CRYL1: variants seen among roughly 807,000 people sequenced by gnomAD.
CRYL1 encodes lambda-crystallin homolog.
Under a neutral mutation model 36.6 loss-of-function variants are expected in CRYL1, and 29 were observed. That is an observed-to-expected ratio of 0.79 (90% CI 0.59 to 1.08). The LOEUF is 1.08. Ranked by LOEUF, CRYL1 falls within the 50% of genes least tolerant of loss-of-function variation. The probability of loss-of-function intolerance (pLI) is 0.00; values close to 1 mark genes in which losing one functional copy is unlikely to be tolerated. For synonymous variants in CRYL1, 152 were observed against 151.5 expected, an observed-to-expected ratio of 1.00 and a Z score of -0.02; for missense variants, 411 against 407.9, an observed-to-expected ratio of 1.01 and a Z score of -0.06.
In CRYL1 at chr13:20,471,791, T is replaced by C. The variant is rs79417222; in HGVS notation, c.276+17579A>G. ...TCGAGGATGCTCAGGTCCCTGATTT[T>C]TTTCTTTCTTTCTTTCTCTCTTTCT... On this transcript the variant is annotated intron_variant, in intron 3 of 7. Transcript: ENST00000298248. 1.9e-3 allele frequency among the ~76,000 whole-genome samples: 289 copies of C among 152,016 alleles called. 10 individuals are homozygous for C. In the East Asian group the frequency reaches 0.051, roughly 27 times the overall value.
chr13:20,435,779 A>G lies in CRYL1; in HGVS notation c.439-3483T>C, dbSNP rs1565963341. On this transcript the variant is annotated intron_variant, in intron 4 of 7. Coordinates refer to ENST00000298248, the MANE Select transcript of CRYL1 (RefSeq NM_015974.3). The surrounding 1 kb of genome is among the most constrained non-coding windows in gnomAD (Gnocchi z 4.0). ...CCGGGCCCCATGTGACCGCGCCGAC[A>G]GCGCGGCTGCCCACAGAGACTCCCT... 6.6e-6 allele frequency among the ~76,000 whole-genome samples: 1 copy of G among 152,158 alleles called. No homozygotes were observed. The highest frequency in any genetic ancestry group is 2.4e-5 in the African/African-American group (1 of 41,454).
intron 6 of CRYL1, among the ~76,000 whole-genome samples, chr13:20,410,639 CG>C (rs1388270394): frequency 6.6e-6 from 1 of 152,016 alleles, no homozygotes; most frequent in African/African-American, 2.4e-5. Context: ...AAAACAACAA[CG>C]AAAAAAACTA....
intron 3 of CRYL1, among the ~76,000 whole-genome samples, chr13:20,474,867 A>G (rs1487718314): frequency 6.6e-6 from 1 of 151,974 alleles, no homozygotes; most frequent in Non-Finnish European, 1.5e-5. Flanking sequence ...GGCCTTAACA[A>G]TCTTGACCTC....
chr13:20,463,862 C>A (rs939055155), intron 3 of CRYL1, among the ~76,000 whole-genome samples: 2 of 152,134 alleles, frequency 1.3e-5, no homozygotes, highest in Admixed American at 1.3e-4. Context: ...ACGCACAAAT[C>A]CTGCAAGCCA....
At chr13:20,427,895 T>C (rs1386804000) in intron 5 of CRYL1, among the ~76,000 whole-genome samples, 11 of 151,880 alleles carry the variant, frequency 7.2e-5, no homozygotes, top group Admixed American at 2.0e-4. Context: ...GAGAACTTTA[T>C]GCTCTTAAGT....
In CRYL1 at chr13:20,471,178, C is replaced by T. The variant is rs1049231523; in HGVS notation, c.276+18192G>A. Among the ~76,000 whole-genome samples, 3 of 151,972 alleles carry T rather than the reference C, an allele frequency of 2.0e-5. No homozygotes were observed. The East Asian group carries it at 5.8e-4, about 29-fold the overall frequency. On this transcript the variant is annotated intron_variant, in intron 3 of 7. Transcript: ENST00000298248. ...GTGAAAGAGTATGACGTGGCTATTA[C>T]GGAAGTGGCTATGGGATTATGAAGC...
At chr13:20,420,523 G>GAAA (rs60801537) in intron 5 of CRYL1, among the ~76,000 whole-genome samples, 41 of 144,586 alleles carry the variant, frequency 2.8e-4, no homozygotes, top group African/African-American at 1.0e-3. Context: ...GGATTTAAAA[G>GAAA]AAAAAAAAAA....
rs756467000 is a variant in CRYL1 at position 20,432,661 on chromosome 13, C to A, written c.439-365G>T. 4.1e-4 allele frequency among the ~76,000 whole-genome samples: 63 copies of A among 152,138 alleles called. 1 individual carries two copies. The highest frequency in any genetic ancestry group is 5.9e-4 in the Non-Finnish European group (40 of 68,034). ...AGCTTCCTCCCAGCCCACCACCCCCCAGAATCATGTCTTCCCATCTGCAGT... is the reference window on the plus strand; with the variant it reads ...AGCTTCCTCCCAGCCCACCACCCCCAAGAATCATGTCTTCCCATCTGCAGT... On this transcript the variant is annotated intron_variant, in intron 4 of 7. Coordinates refer to ENST00000298248, the MANE Select transcript of CRYL1 (RefSeq NM_015974.3).
At chr13:20,510,991 G>A (rs568956640) in intron 2 of CRYL1, among the ~76,000 whole-genome samples, 1 of 152,260 alleles carries the variant, frequency 6.6e-6, no homozygotes, top group South Asian at 2.1e-4. Flanking sequence ...GTTCTGAAAT[G>A]CCAAGTCCCC....
chr13:20,520,334 G>A (rs1472898241), intron 1 of CRYL1, among the ~76,000 whole-genome samples: 2 of 150,904 alleles, frequency 1.3e-5, no homozygotes, highest in Non-Finnish European at 2.9e-5. Context: ...TGCTGGCTGC[G>A]GGGTCTGAAC....
chr13:20,404,407 C>T (rs1395552248), intron 7 of CRYL1, among the ~76,000 whole-genome samples, 165 bp from the exon 8 acceptor site: 2 of 152,104 alleles, frequency 1.3e-5, no homozygotes, highest in Non-Finnish European at 1.5e-5. Context: ...GACCTCAGTC[C>T]CTCAGAGACA....
At position 20,439,514 on chromosome 13, in the gene CRYL1, C is replaced by CAAAAAAAAAAAAAAAAAAAAAAAAA. The variant is rs56087130; in HGVS notation, c.438+78_438+79insTTTTTTTTTTTTTTTTTTTTTTTTT. ...ACAAGTTATTGACCCCCCTCCCCCG[C>CAAAAAAAAAAAAAAAAAAAAAAAAA]AAAAAAAAAAAAAAAAGAAAAAAAA... On this transcript the variant is annotated intron_variant, in intron 4 of 7. Transcript: ENST00000298248. 224 of 331,812 alleles carry CAAAAAAAAAAAAAAAAAAAAAAAAA rather than the reference C, an allele frequency of 6.8e-4. 2 individuals carry two copies. Among genetic ancestry groups the CAAAAAAAAAAAAAAAAAAAAAAAAA allele is most frequent in the Middle Eastern group, 1.5e-3 (2 of 1,298 alleles). The allele number at this position is 331,812 out of a possible 1,614,324, so 20.6% of individuals were successfully genotyped here. A position where few individuals can be genotyped will look rare whatever the true frequency, so the allele number is the denominator to read the frequency against.
At chr13:20,428,084 C>T (rs1196897531) in intron 5 of CRYL1, among the ~76,000 whole-genome samples, 1 of 152,128 alleles carries the variant, frequency 6.6e-6, no homozygotes, top group African/African-American at 2.4e-5. Flanking sequence ...AAAATTCTAC[C>T]AAATATCTAA....
intron 3 of CRYL1, among the ~76,000 whole-genome samples, chr13:20,450,066 A>AT (rs2032536728): frequency 1.3e-5 from 2 of 152,318 alleles, no homozygotes; most frequent in Admixed American, 6.5e-5. Flanking sequence ...TATCAACATC[A>AT]TTTTTTACAG....
intron 5 of CRYL1, chr13:20,427,389 C>T (rs1347048329): frequency 3.7e-6 from 3 of 809,228 alleles, no homozygotes; most frequent in South Asian, 1.1e-4. Flanking sequence ...ATCCGGGTGT[C>T]CATTCTACCC....
chr13:20,499,680 G>A (rs1167402282), intron 2 of CRYL1, among the ~76,000 whole-genome samples: 1 of 152,076 alleles, frequency 6.6e-6, no homozygotes, highest in Non-Finnish European at 1.5e-5. Context: ...AGGAAGCATT[G>A]TCAAATCTGA....
chr13:20,488,277 G>A (rs770682070), intron 3 of CRYL1, among the ~76,000 whole-genome samples: 2 of 152,114 alleles, frequency 1.3e-5, no homozygotes, highest in Non-Finnish European at 2.9e-5. Flanking sequence ...GAAACAGGTG[G>A]CACTGGGAAC....
chr13:20,433,214 G>A lies in CRYL1; in HGVS notation c.439-918C>T, dbSNP rs567373028. 5.4e-3 allele frequency among the ~76,000 whole-genome samples: 815 copies of A among 152,246 alleles called. 8 individuals carry two copies. The highest frequency in any genetic ancestry group is 0.018 in the African/African-American group (739 of 41,538). ...CATTGTCCAGGTGAGCATGCCCCAA[G>A]GGAGGACCCTGGACTTCACTGTTCA... is the stretch of plus-strand genomic sequence containing the variant. On this transcript the variant is annotated intron_variant, in intron 4 of 7. Coordinates refer to ENST00000298248, the MANE Select transcript of CRYL1 (RefSeq NM_015974.3).
intron 3 of CRYL1, among the ~76,000 whole-genome samples, chr13:20,459,353 T>G (rs940061869): frequency 6.6e-6 from 1 of 151,776 alleles, no homozygotes; most frequent in African/African-American, 2.4e-5. Flanking sequence ...ACTGGGTATA[T>G]AGCCAAAGGA....
Sources: gnomAD v4.1 joint callset for allele counts (sites outside exome capture counted in the v4.1 genomes callset) on GRCh38, gnomAD v4.1.1 for gene constraint, Gnocchi (gnomAD v3.1) non-coding constraint, MANE v1.5 for transcripts, NCBI Gene and HGNC (gene_info 2026-07-23, HGNC 2026-07-21) for gene names.